KLHL1: variants seen among roughly 807,000 people sequenced by gnomAD.
KLHL1 encodes kelch like family member 1, also known as kelch-like protein 1.
A neutral mutation model predicts 77.7 loss-of-function variants in KLHL1; 47 were observed. The observed-to-expected ratio is 0.60, with a 90% CI of 0.48 to 0.77. The LOEUF is 0.77. Ranked by LOEUF, KLHL1 falls within the 30% of genes least tolerant of loss-of-function variation. The pLI is 0.00. For missense variants in KLHL1, 925 were observed against 910.8 expected (o/e 1.02, Z -0.20); for synonymous variants, 360 against 325.2 (o/e 1.11, Z -1.15).
chr13:69,861,445 TG>T (rs1213381722), intron 5 of KLHL1, among the ~76,000 whole-genome samples: 1 of 152,096 alleles, frequency 6.6e-6, no homozygotes, highest in Non-Finnish European at 1.5e-5. Flanking sequence ...CTATATGCAA[TG>T]TTTTACAAAC....
chr13:69,795,015 T>G (rs1427831102), intron 7 of KLHL1, among the ~76,000 whole-genome samples: 1 of 152,210 alleles, frequency 6.6e-6, no homozygotes, highest in African/African-American at 2.4e-5. Context: ...CGAGGATGTT[T>G]ATTGTATTTG....
chr13:70,108,256 G>A lies in KLHL1; in HGVS notation c.-557C>T. 1 of 384,134 alleles carries A rather than the reference G, an allele frequency of 2.6e-6. No homozygotes were observed. The highest frequency in any genetic ancestry group is 4.6e-6 in the Non-Finnish European group (1 of 217,678). 23.8% of individuals were successfully genotyped at this position (384,134 alleles called of 1,614,324 possible). On this transcript the variant is annotated 5_prime_UTR_variant, in exon 1 of 11. Coordinates refer to ENST00000377844, the MANE Select transcript of KLHL1 (RefSeq NM_020866.3). ...CCTCGCCAGATCTCTTGGTGCACCTGCGCCCCTGTCCCTGGCCTTTTCGAG... is the reference window on the plus strand; with the variant it reads ...CCTCGCCAGATCTCTTGGTGCACCTACGCCCCTGTCCCTGGCCTTTTCGAG...
chr13:69,863,241 T>C (rs1402577160), intron 5 of KLHL1, among the ~76,000 whole-genome samples: 2 of 152,058 alleles, frequency 1.3e-5, no homozygotes, highest in Non-Finnish European at 1.5e-5. Context: ...TACTCAGAGA[T>C]ACTGAAATGA....
chr13:69,757,833 T>C (rs1874827102), intron 7 of KLHL1, among the ~76,000 whole-genome samples: 1 of 151,748 alleles, frequency 6.6e-6, no homozygotes, highest in Non-Finnish European at 1.5e-5. Context: ...GGCAGGTGCC[T>C]GTAATCCCAG....
intron 7 of KLHL1, among the ~76,000 whole-genome samples, chr13:69,786,264 T>C (rs1876540289): frequency 6.6e-6 from 1 of 152,136 alleles, no homozygotes; most frequent in African/African-American, 2.4e-5. Context: ...CTCAATAAAA[T>C]ACTGGCAAAC....
At chr13:69,876,756 G>A (rs1880779867) in intron 5 of KLHL1, among the ~76,000 whole-genome samples, 1 of 152,154 alleles carries the variant, frequency 6.6e-6, no homozygotes, top group African/African-American at 2.4e-5. Context: ...AAAAAATACC[G>A]GCCTGGAGCA....
At chr13:69,739,846 CA>C (rs1873911160) in intron 8 of KLHL1, among the ~76,000 whole-genome samples, 1 of 152,056 alleles carries the variant, frequency 6.6e-6, no homozygotes, top group Admixed American at 6.6e-5. Context: ...TGCCACTTCC[CA>C]GGGGATAGTA....
chr13:69,840,228 T>C (rs1461142997), intron 5 of KLHL1, among the ~76,000 whole-genome samples: 2 of 151,934 alleles, frequency 1.3e-5, no homozygotes, highest in Non-Finnish European at 2.9e-5. Context: ...AGATACACAG[T>C]ATAATTTTTT....
chr13:70,009,685 A>G (rs1004931746), intron 1 of KLHL1, among the ~76,000 whole-genome samples: 1 of 152,252 alleles, frequency 6.6e-6, no homozygotes, highest in South Asian at 2.1e-4. Flanking sequence ...TGTGAGCTTC[A>G]ATTTTTTCAT....
rs1414295255 is a variant in KLHL1, at chr13:69,940,045, T to C, written c.1009A>G (p.Thr337Ala). The C allele has an allele frequency of 3.1e-6, 5 of 1,604,064 alleles. No homozygotes were observed. Among genetic ancestry groups the C allele is most frequent in the South Asian group, 1.1e-5 (1 of 89,692 alleles). The change falls in exon 4 of 11, where the codon ACA (threonine) becomes GCA (alanine). Residue 337 changes from threonine to alanine, a missense_variant. Coordinates refer to ENST00000377844, the MANE Select transcript of KLHL1 (RefSeq NM_020866.3). ...AAAACATTAAGTTTCCTTACCATTG[T>C]GTAGCTGTGGGCCACCTTCATTAAC... ...IELMKVAHSY[T>A]MENIMEVIRN... is the part of the protein sequence containing the mutation.
chr13:69,848,175 C>A (rs1879544678), intron 5 of KLHL1, among the ~76,000 whole-genome samples: 2 of 151,484 alleles, frequency 1.3e-5, no homozygotes, highest in African/African-American at 4.8e-5. Flanking sequence ...TTGTTTGACC[C>A]TTCCCCACCT....
At chr13:69,798,072 G>A (rs1330253153) in intron 6 of KLHL1, among the ~76,000 whole-genome samples, 1 of 147,538 alleles carries the variant, frequency 6.8e-6, no homozygotes, top group Non-Finnish European at 1.5e-5. Flanking sequence ...AAATGCCTGT[G>A]TAGAACAAGC....
At chr13:70,099,896 T>C (rs1402701932) in intron 1 of KLHL1, among the ~76,000 whole-genome samples, 1 of 151,734 alleles carries the variant, frequency 6.6e-6, no homozygotes, top group Non-Finnish European at 1.5e-5. Context: ...ATTCTTAATC[T>C]ATTTATGTAT....
intron 3 of KLHL1, among the ~76,000 whole-genome samples, chr13:69,950,011 A>G (rs150045626): frequency 6.6e-6 from 1 of 151,812 alleles, no homozygotes; most frequent in African/African-American, 2.4e-5. Context: ...AATTCTACCC[A>G]TGAAATTCTA....
chr13:69,966,013 G>A (rs11617171), intron 2 of KLHL1, among the ~76,000 whole-genome samples: 26,769 of 152,090 alleles, frequency 0.18, 2,807 homozygotes, highest in African/African-American at 0.28. Flanking sequence ...CAGCAAGTGG[G>A]TTGGTGCAAA....
chr13:69,945,758 A>T (rs1275152284), intron 3 of KLHL1, among the ~76,000 whole-genome samples: 1 of 152,150 alleles, frequency 6.6e-6, no homozygotes, highest in Non-Finnish European at 1.5e-5. Flanking sequence ...GAAATGGTAC[A>T]ACTACTTTAG....
intron 4 of KLHL1, among the ~76,000 whole-genome samples, chr13:69,922,450 G>A (rs977808275): frequency 2.2e-4 from 26 of 119,094 alleles, no homozygotes; most frequent in East Asian, 6.9e-4. Context: ...AAGTAGGTCC[G>A]AGTTTATAAA....
intron 1 of KLHL1, among the ~76,000 whole-genome samples, chr13:69,997,931 C>G (rs934198531): frequency 6.6e-6 from 1 of 151,740 alleles, no homozygotes; most frequent in African/African-American, 2.4e-5. Flanking sequence ...GCACGTGTCT[C>G]TTCGAGATCC....
chr13:69,925,125 C>T (rs972819624), intron 4 of KLHL1, among the ~76,000 whole-genome samples: 7 of 152,150 alleles, frequency 4.6e-5, no homozygotes, highest in African/African-American at 1.7e-4. Flanking sequence ...GGCAAAGGCA[C>T]CACCGGACAC....
Sources: gnomAD v4.1 joint callset for allele counts (sites outside exome capture counted in the v4.1 genomes callset) on GRCh38, gnomAD v4.1.1 for gene constraint, MANE v1.5 for transcripts, NCBI Gene and HGNC (gene_info 2026-07-23, HGNC 2026-07-21) for gene names.